Variants in P2RY12 observed in about 807,000 individuals in gnomAD.
P2RY12 encodes P2Y purinoceptor 12.
A neutral mutation model predicts 4.5 loss-of-function variants in P2RY12; 3 were observed. The ratio of observed to expected loss-of-function variants is 0.67; its 90% CI spans 0.31 to 1.74. The LOEUF is 1.74. Ranked by LOEUF, P2RY12 falls within the 40% of genes most tolerant of loss-of-function variation. The pLI is 0.09. For missense variants in P2RY12, 356 were observed against 407.8 expected (o/e 0.87, Z 1.09); for synonymous variants, 148 against 154.1 (o/e 0.96, Z 0.29).
chr3:151,360,942 T>C lies in P2RY12; in HGVS notation c.-179-20182A>G, dbSNP rs148539335. 6.4e-4 allele frequency among the ~76,000 whole-genome samples: 98 copies of C among 152,230 alleles called. 1 individual carries two copies. The East Asian group carries it at 0.016, about 25-fold the overall frequency. ...GTACAGACAGTGCATTTTAAGTAAG[T>C]CCTACTGAAGTAATGATTATTTGAT... On this transcript the variant is annotated intron_variant, in intron 1 of 2. Coordinates refer to ENST00000302632, the MANE Select transcript of P2RY12 (RefSeq NM_022788.5).
At chr3:151,339,940 A>T (rs1014683268) in intron 2 of P2RY12, among the ~76,000 whole-genome samples, 3 of 152,156 alleles carry the variant, frequency 2.0e-5, no homozygotes, top group African/African-American at 7.2e-5. Context: ...TTGAAAGTAC[A>T]AATAACAAAT....
rs891375584 is a variant in P2RY12 at position 151,340,699 on chromosome 3, G to A, written c.-118C>T. ...ATTTTCCTTTTAATGTCTTAGTTTA[G>A]TTGCCAAACCTCTTTGTGATAGAGG... On this transcript the variant is annotated 5_prime_UTR_variant, in exon 2 of 3. Coordinates refer to ENST00000302632, the MANE Select transcript of P2RY12 (RefSeq NM_022788.5). 1 of 152,552 alleles carries A rather than the reference G, an allele frequency of 6.6e-6. No homozygotes were observed. Among genetic ancestry groups the A allele is most frequent in the African/African-American group, 2.4e-5 (1 of 41,424 alleles). The allele number at this position is 152,552 out of a possible 1,614,324, so 9.4% of individuals were successfully genotyped here.
chr3:151,338,049 T>C lies in P2RY12; in HGVS notation c.797A>G (p.Asp266Gly). The change falls in exon 3 of 3, where the codon GAT becomes GGT. Residue 266 changes from aspartate to glycine, a missense_variant. Coordinates refer to ENST00000302632, the MANE Select transcript of P2RY12 (RefSeq NM_022788.5). ...RIPYTLSQTR[D>G]VFDCTAENTL... ...ATTTTCAGCAGTGCAGTCAAAGACA[T>C]CCCGGGTTTGGCTCAGGGTGTAAGG... The C allele has an allele frequency of 6.2e-7, 1 of 1,614,086 alleles. No homozygotes were observed. The highest frequency in any genetic ancestry group is 8.5e-7 in the Non-Finnish European group (1 of 1,179,962).
Position 151,340,434 on chromosome 3 carries a change from C to A in P2RY12, c.-15+162G>T, listed in dbSNP as rs564894860. 3.3e-5 allele frequency among the ~76,000 whole-genome samples: 5 copies of A among 152,214 alleles called. No individual in the cohort carries two copies. The South Asian group carries it at 1.0e-3, about 32-fold the overall frequency. On this transcript the variant is annotated intron_variant, in intron 2 of 2. Coordinates refer to ENST00000302632, the MANE Select transcript of P2RY12 (RefSeq NM_022788.5). ...GCTAATTAACAATTGTCTCTGACAT[C>A]ACTAATTAGACTTCTATTTTAATTA...
chr3:151,367,631 A>G (rs1755447529), intron 1 of P2RY12: 1 of 1,596,958 alleles, frequency 6.3e-7, no homozygotes, highest in Non-Finnish European at 8.6e-7. Context: ...AAACCTGTCA[A>G]TGTTTTTCTT....
chr3:151,354,695 T>TGGC (rs1386242116), intron 1 of P2RY12, among the ~76,000 whole-genome samples: 1 of 152,204 alleles, frequency 6.6e-6, no homozygotes, highest in Non-Finnish European at 1.5e-5. Context: ...GGTGGTACAG[T>TGGC]AACACATTGG....
At chr3:151,381,107 T>C (rs1712255492) in intron 1 of P2RY12, among the ~76,000 whole-genome samples, 1 of 152,210 alleles carries the variant, frequency 6.6e-6, no homozygotes, top group Non-Finnish European at 1.5e-5. Flanking sequence ...CAACAGAAAT[T>C]GGAGAGCATG....
chr3:151,339,274 G>T (rs773041211), intron 2 of P2RY12, among the ~76,000 whole-genome samples: 1 of 151,718 alleles, frequency 6.6e-6, no homozygotes, highest in African/African-American at 2.4e-5. Flanking sequence ...TCCCCCCAAC[G>T]TCCTTATTTC....
chr3:151,371,153 C>T (rs1756135919), intron 1 of P2RY12, among the ~76,000 whole-genome samples: 1 of 152,048 alleles, frequency 6.6e-6, no homozygotes, highest in Non-Finnish European at 1.5e-5. Flanking sequence ...TTTTCTTTTC[C>T]TTTCTTCTCT....
intron 1 of P2RY12, among the ~76,000 whole-genome samples, chr3:151,380,578 C>G (rs901513398): frequency 1.8e-5 from 2 of 113,968 alleles, no homozygotes; most frequent in Non-Finnish European, 3.5e-5. Context: ...GCCTGGGAAA[C>G]AATAGTGAAA....
At chr3:151,363,854 A>G (rs1206009778) in intron 1 of P2RY12, among the ~76,000 whole-genome samples, 1 of 152,192 alleles carries the variant, frequency 6.6e-6, no homozygotes, top group Admixed American at 6.5e-5. Flanking sequence ...AGCTGAAACT[A>G]CATTTTGGTA....
chr3:151,372,678 A>C, intron 1 of P2RY12: 1 of 1,613,988 alleles, frequency 6.2e-7, no homozygotes, highest in Non-Finnish European at 8.5e-7. Context: ...GCCTCACAAA[A>C]TCCAAAATCC....
intron 1 of P2RY12, chr3:151,367,795 C>T: frequency 6.3e-7 from 1 of 1,579,990 alleles, no homozygotes; most frequent in South Asian, 1.2e-5. Flanking sequence ...ACATCCGTTG[C>T]TCTTTGATTG....
chr3:151,383,426 T>C (rs1490148278), intron 1 of P2RY12, among the ~76,000 whole-genome samples: 1 of 152,234 alleles, frequency 6.6e-6, no homozygotes, highest in Non-Finnish European at 1.5e-5. Flanking sequence ...AAGATGCAGA[T>C]AATTGGATTA....
At chr3:151,377,187 G>A in intron 1 of P2RY12, 1 of 1,599,788 alleles carries the variant, frequency 6.3e-7, no homozygotes, top group South Asian at 1.1e-5. Flanking sequence ...AGGTATTTTT[G>A]TCTGTTGTTT....
intron 1 of P2RY12, among the ~76,000 whole-genome samples, chr3:151,351,709 G>A (rs530518891): frequency 6.6e-6 from 1 of 152,274 alleles, no homozygotes; most frequent in African/African-American, 2.4e-5. Flanking sequence ...CCTTCAGGAG[G>A]TTCGTAATAC....
At chr3:151,344,683 T>C (rs1439284299) in intron 1 of P2RY12, among the ~76,000 whole-genome samples, 1 of 152,232 alleles carries the variant, frequency 6.6e-6, no homozygotes, top group East Asian at 1.9e-4. Flanking sequence ...TGCCATATTT[T>C]GTCTTATCAG....
chr3:151,352,496 G>A (rs1753357838), intron 1 of P2RY12, among the ~76,000 whole-genome samples: 2 of 152,166 alleles, frequency 1.3e-5, no homozygotes. Context: ...CTTAGTGTAA[G>A]CACCAGAAAT....
intron 1 of P2RY12, chr3:151,367,902 G>A: frequency 9.4e-7 from 1 of 1,060,420 alleles, no homozygotes; most frequent in East Asian, 2.4e-5. Context: ...GGTAGATATG[G>A]TAGAATTTTA....
Sources: allele counts gnomAD v4.1 joint callset (sites outside exome capture counted in the v4.1 genomes callset), GRCh38; gene constraint gnomAD v4.1.1; transcripts MANE v1.5; gene names NCBI Gene and HGNC (gene_info 2026-07-23, HGNC 2026-07-21).